The following PLD5 variants were observed in gnomAD, a reference collection of about 807,000 sequenced individuals.
PLD5 encodes phospholipase D family member 5, also known as inactive phospholipase D5.
In PLD5, 36 loss-of-function variants were observed where a neutral mutation model predicts 61.1. The observed-to-expected ratio is 0.59, with a 90% confidence interval of 0.45 to 0.78. The LOEUF is 0.78. Ranked by LOEUF, PLD5 falls within the 30% of genes least tolerant of loss-of-function variation. The probability of loss-of-function intolerance (pLI) is 0.00; values close to 1 mark genes in which losing one functional copy is unlikely to be tolerated. For synonymous variants in PLD5, 243 were observed against 242.8 expected (o/e 1.00, Z -0.01); for missense variants, 515 against 644.4 (o/e 0.80, Z 2.17).
chr1:242,481,470 G>T (rs1014109537), intron 1 of PLD5, among the ~76,000 whole-genome samples: 1 of 152,194 alleles, frequency 6.6e-6, no homozygotes, highest in African/African-American at 2.4e-5. Context: ...TGCTAGCACA[G>T]CAGTCTGAGA....
At chr1:242,263,838 T>G (rs1673505490) in intron 4 of PLD5, among the ~76,000 whole-genome samples, 1 of 152,276 alleles carries the variant, frequency 6.6e-6, no homozygotes, top group South Asian at 2.1e-4. Flanking sequence ...CACTATTTGC[T>G]GTTTACAGTA....
chr1:242,211,628 C>T (rs1574525986), intron 5 of PLD5, among the ~76,000 whole-genome samples: 1 of 152,168 alleles, frequency 6.6e-6, no homozygotes, highest in East Asian at 1.9e-4. Flanking sequence ...GAGTACCTGT[C>T]TCATCCGTCA....
At chr1:242,103,601 A>G (rs1660841919) in intron 8 of PLD5, among the ~76,000 whole-genome samples, 1 of 152,182 alleles carries the variant, frequency 6.6e-6, no homozygotes, top group South Asian at 2.1e-4. Context: ...GAACACAATT[A>G]GACTCCATTC....
chr1:242,128,379 T>A (rs1400732187), intron 5 of PLD5, among the ~76,000 whole-genome samples: 1 of 151,170 alleles, frequency 6.6e-6, no homozygotes, highest in Non-Finnish European at 1.5e-5. Flanking sequence ...TGTCTGCTAA[T>A]CTTCATGTGG....
chr1:242,097,217 C>A (rs539170622), intron 9 of PLD5, among the ~76,000 whole-genome samples: 1 of 152,306 alleles, frequency 6.6e-6, no homozygotes, highest in African/African-American at 2.4e-5. Context: ...CATACGTGTG[C>A]ATGTGTCTTT....
chr1:242,474,776 T>A (rs1667537784), intron 1 of PLD5, among the ~76,000 whole-genome samples: 1 of 152,148 alleles, frequency 6.6e-6, no homozygotes, highest in South Asian at 2.1e-4. Flanking sequence ...CGCCCCTGCA[T>A]CCATCACACA....
intron 8 of PLD5, among the ~76,000 whole-genome samples, chr1:242,107,094 C>CG (rs1661117856): frequency 6.6e-6 from 1 of 152,036 alleles, no homozygotes; most frequent in African/African-American, 2.4e-5. Context: ...GGCATCTGGG[C>CG]GGGGGGTCTG....
intron 1 of PLD5, among the ~76,000 whole-genome samples, chr1:242,407,073 G>A (rs990507860): frequency 1.3e-5 from 2 of 152,156 alleles, no homozygotes; most frequent in Non-Finnish European, 1.5e-5. Flanking sequence ...CCCATGTCTT[G>A]TGGGAGGGAC....
intron 1 of PLD5, among the ~76,000 whole-genome samples, chr1:242,348,675 G>A (rs1660278448): frequency 6.6e-6 from 1 of 152,220 alleles, no homozygotes; most frequent in Non-Finnish European, 1.5e-5. Context: ...AATGGCCCAT[G>A]ACAGAACCCT....
At chr1:242,142,141 T>C (rs571210668) in intron 5 of PLD5, among the ~76,000 whole-genome samples, 1 of 152,172 alleles carries the variant, frequency 6.6e-6, no homozygotes, top group East Asian at 1.9e-4. Context: ...GGTTTTGGCC[T>C]CCTCTTCATG....
intron 1 of PLD5, among the ~76,000 whole-genome samples, chr1:242,393,218 ATATATGAGTATATATATGTG>A (rs1476308055): frequency 9.8e-6 from 1 of 101,548 alleles, no homozygotes; most frequent in Non-Finnish European, 1.9e-5. Flanking sequence ...ATATATATAT[ATATATGAGTATATATATGTG>A]TATATATATG....
At chr1:242,105,433 A>G (rs529026434) in intron 8 of PLD5, among the ~76,000 whole-genome samples, 55 of 152,314 alleles carry the variant, frequency 3.6e-4, no homozygotes, top group African/African-American at 1.3e-3. Context: ...CATGTTGTCC[A>G]GACTGGTCTT....
At chr1:242,109,377 CT>C (rs1661305780) in intron 7 of PLD5, among the ~76,000 whole-genome samples, 1 of 152,194 alleles carries the variant, frequency 6.6e-6, no homozygotes, top group Non-Finnish European at 1.5e-5. Context: ...ACTCGGGAGG[CT>C]GAGGCAGGAG....
chr1:242,241,887 A>ATATATATATATATATATATACTTAC lies in PLD5; in HGVS notation c.608-21773_608-21772insGTAAGTATATATATATATATATATA, dbSNP rs1672042006. ...TTACTTACTATATATATATATATAT[A>ATATATATATATATATATATACTTAC]TATATATATATATATATATATATAC... On this transcript the variant is annotated intron_variant, in intron 4 of 9. Transcript: ENST00000536534. Among the ~76,000 whole-genome samples the ATATATATATATATATATATACTTAC allele has an allele frequency of 1.8e-4, 6 of 33,636 alleles. No homozygotes were observed. The South Asian group carries it at 5.4e-3, about 30-fold the overall frequency. 22.1% of individuals were successfully genotyped at this position (33,636 alleles called of 152,430 possible).
chr1:242,259,003 T>C (rs1469329356), intron 4 of PLD5, among the ~76,000 whole-genome samples: 2 of 152,246 alleles, frequency 1.3e-5, no homozygotes, highest in Non-Finnish European at 2.9e-5. Context: ...TCTTCCTCTC[T>C]TTAAAGCCCA....
At chr1:242,281,809 G>A (rs1161285028) in intron 3 of PLD5, among the ~76,000 whole-genome samples, 2 of 152,126 alleles carry the variant, frequency 1.3e-5, no homozygotes, top group South Asian at 2.1e-4. Context: ...GCTTCTCAAC[G>A]GGTGTGTCAA....
chr1:242,124,611 G>C lies in PLD5; in HGVS notation c.790C>G (p.Gln264Glu). ...GAACTATATAGAGCAAATATCCTTT[G>C]TAAATCTAGGACCAGGCAGCTGCAG... is the stretch of plus-strand genomic sequence containing the variant. ...YNCSCLVLDL[Q>E]RIFALYSSLK... Residue 264 changes from glutamine to glutamate, a missense_variant, in exon 6 of 10, where the codon CAA (glutamine) becomes GAA (glutamate). Physicochemically the swap from Gln to Glu is conservative, Grantham distance 29. This residue lies in a region of PLD5 where 450 missense variants were observed against 598.1 expected (regional missense o/e 0.75). Transcript: ENST00000536534. The C allele has an allele frequency of 5.0e-6, 8 of 1,613,952 alleles. No homozygotes were observed. Among genetic ancestry groups the C allele is most frequent in the Non-Finnish European group, 6.8e-6 (8 of 1,179,924 alleles).
rs1424328065 is a variant in PLD5 at position 242,088,876 on chromosome 1, G to C, written c.*978C>G. The C allele has an allele frequency of 6.5e-6, 1 of 154,644 alleles. No individual in the cohort carries two copies. The highest frequency in any genetic ancestry group is 1.9e-4 in the East Asian group (1 of 5,314). The allele number at this position is 154,644 out of a possible 1,614,324, so 9.6% of individuals were successfully genotyped here. ...TAAATAGCTCTAGAAACGTTTGCTG[G>C]CATACTCTTAACAGCATAATGATTC... On this transcript the variant is annotated 3_prime_UTR_variant, in exon 10 of 10. Coordinates refer to ENST00000536534, the MANE Select transcript of PLD5 (RefSeq NM_001372062.1).
intron 6 of PLD5, among the ~76,000 whole-genome samples, chr1:242,121,688 A>G (rs1267080740): frequency 6.6e-6 from 1 of 152,094 alleles, no homozygotes; most frequent in Non-Finnish European, 1.5e-5. Context: ...CTTGGAACCA[A>G]CCCAAATGTC....
Sources: gnomAD v4.1 joint callset for allele counts (sites outside exome capture counted in the v4.1 genomes callset) on GRCh38, gnomAD v4.1.1 for gene constraint, gnomAD v4.1.1 regional missense constraint, MANE v1.5 for transcripts, NCBI Gene and HGNC (gene_info 2026-07-23, HGNC 2026-07-21) for gene names.